Variants in SEZ6L observed in about 807,000 individuals in gnomAD.
SEZ6L encodes seizure 6-like protein.
Under a neutral mutation model 106.2 loss-of-function variants are expected in SEZ6L, and 37 were observed. That is an observed-to-expected ratio of 0.35 (90% CI 0.27 to 0.46). The LOEUF (loss-of-function observed/expected upper bound fraction) is 0.46. SEZ6L is among the 20% of genes least tolerant of loss of function. SEZ6L has a pLI of 1.00. For synonymous variants in SEZ6L, 541 were observed against 570.4 expected (o/e 0.95, Z 0.73); for missense variants, 1,172 against 1,332.8 (o/e 0.88, Z 1.88).
chr22:26,375,506 TG>T, intron 14 of SEZ6L, 68 bp from the exon 15 acceptor site: 1 of 1,274,084 alleles, frequency 7.8e-7, no homozygotes, highest in Non-Finnish European at 1.1e-6. Context: ...GGTGGAGAAC[TG>T]GGCAGTTGGG....
At chr22:26,353,713 C>G (rs200184324) in intron 12 of SEZ6L, among the ~76,000 whole-genome samples, 3 of 151,610 alleles carry the variant, frequency 2.0e-5, no homozygotes, top group Non-Finnish European at 4.4e-5. Flanking sequence ...GTAATTGTGA[C>G]CTTGATTAGA....
At position 26,170,322 on chromosome 22, in the gene SEZ6L, T is replaced by C. The variant is rs1938498833; in HGVS notation, c.94+559T>C. On this transcript the variant is annotated intron_variant, in intron 1 of 16. Coordinates refer to ENST00000248933, the MANE Select transcript of SEZ6L (RefSeq NM_021115.5). ...TCAGCCAAGCGTCAGGATACCGGACTTGGGTGTGGCTTTCGCTAGAGGCCG... is the reference window on the plus strand; with the variant it reads ...TCAGCCAAGCGTCAGGATACCGGACCTGGGTGTGGCTTTCGCTAGAGGCCG... 2.0e-5 allele frequency among the ~76,000 whole-genome samples: 3 copies of C among 151,942 alleles called. No homozygotes were observed. The South Asian group carries it at 6.3e-4, about 32-fold the overall frequency.
chr22:26,304,505 C>A (rs904877035), intron 5 of SEZ6L, among the ~76,000 whole-genome samples: 8 of 152,102 alleles, frequency 5.3e-5, no homozygotes, highest in Admixed American at 3.9e-4. Context: ...AACCAAATAT[C>A]TCCTAAGAAT....
At chr22:26,325,500 C>G (rs2082279175) in intron 9 of SEZ6L, among the ~76,000 whole-genome samples, 1 of 152,080 alleles carries the variant, frequency 6.6e-6, no homozygotes, top group Non-Finnish European at 1.5e-5. Context: ...AGATTTGCAC[C>G]TAGGGCTTGG....
intron 5 of SEZ6L, among the ~76,000 whole-genome samples, chr22:26,303,575 CTTA>C (rs2081519149): frequency 6.6e-6 from 1 of 152,188 alleles, no homozygotes; most frequent in South Asian, 2.1e-4. Context: ...AACTGCTCCA[CTTA>C]TTATGTGTAT....
At chr22:26,302,856 G>T (rs1037374930) in intron 5 of SEZ6L, among the ~76,000 whole-genome samples, 1 of 152,200 alleles carries the variant, frequency 6.6e-6, no homozygotes, top group Non-Finnish European at 1.5e-5. Flanking sequence ...CAGAGAAGCC[G>T]CAAACGATCA....
chr22:26,263,481 T>A (rs1195292296), intron 1 of SEZ6L, among the ~76,000 whole-genome samples: 1 of 152,232 alleles, frequency 6.6e-6, no homozygotes, highest in Non-Finnish European at 1.5e-5. Flanking sequence ...TGGAAGATGC[T>A]GGATTTGAAT....
intron 3 of SEZ6L, 83 bp downstream of exon 3, chr22:26,294,508 A>G: frequency 4.9e-6 from 7 of 1,435,498 alleles, no homozygotes; most frequent in South Asian, 1.3e-5. Flanking sequence ...GCTTACTGTT[A>G]TGCTAACTAG....
chr22:26,195,690 A>G (rs1164263182), intron 1 of SEZ6L, among the ~76,000 whole-genome samples: 1 of 152,100 alleles, frequency 6.6e-6, no homozygotes, highest in Non-Finnish European at 1.5e-5. Flanking sequence ...CACAGAAGAA[A>G]GACAATAAGT....
chr22:26,210,679 G>GT (rs60359652), intron 1 of SEZ6L, among the ~76,000 whole-genome samples: 11,008 of 152,012 alleles, frequency 0.072, 537 homozygotes, highest in East Asian at 0.22. Context: ...TCTCAGAATG[G>GT]TTTTTTTATT....
Position 26,381,955 on chromosome 22 carries a change from G to C in SEZ6L, c.*1660G>C, listed in dbSNP as rs2084421871. On this transcript the variant is annotated 3_prime_UTR_variant, in exon 17 of 17. Coordinates refer to ENST00000248933, the MANE Select transcript of SEZ6L (RefSeq NM_021115.5). ...AGAATAGCAGGGAGTCTATGTTTTG[G>C]TGGTTACATTGGAAACATCTTAAGC... The C allele has an allele frequency of 5.9e-6, 3 of 509,802 alleles. No individual in the cohort carries two copies. The highest frequency in any genetic ancestry group is 1.2e-5 in the Non-Finnish European group (3 of 255,372). 31.6% of individuals were successfully genotyped at this position (509,802 alleles called of 1,614,324 possible). A position where few individuals can be genotyped will look rare whatever the true frequency, so the allele number is the denominator to read the frequency against.
At chr22:26,180,230 A>G (rs1939299625) in intron 1 of SEZ6L, among the ~76,000 whole-genome samples, 1 of 152,204 alleles carries the variant, frequency 6.6e-6, no homozygotes, top group South Asian at 2.1e-4. Flanking sequence ...CTGCTTCTCA[A>G]TTCTTCTCAT....
Position 26,313,834 on chromosome 22 carries a change from G to A in SEZ6L, c.1947G>A (p.Val649=). 6.2e-7 allele frequency: 1 copy of A among 1,613,388 alleles called. No homozygotes were observed. The highest frequency in any genetic ancestry group is 8.5e-7 in the Non-Finnish European group (1 of 1,179,376). ...CCCCAAACTGGCCCGAGCCCTACGTGGAAGGTGAAGATTGTATCTGGAAGA... is the reference window on the plus strand; with the variant it reads ...CCCCAAACTGGCCCGAGCCCTACGTAGAAGGTGAAGATTGTATCTGGAAGA... The part of the protein sequence containing the change: ...VLSPNWPEPY[V]EGEDCIWKIH... Residue 649 remains valine, a synonymous_variant, in exon 9 of 17, where the codon GTG becomes GTA. Coordinates refer to ENST00000248933, the MANE Select transcript of SEZ6L (RefSeq NM_021115.5).
In SEZ6L at chr22:26,331,802, G is replaced by T. The variant is rs370121175; in HGVS notation, c.2016-8634G>T. ...GTTTGAGAACAGCCCAGCCAACATG[G>T]TGAAATGCTGTCTCCACTAAAAACA... On this transcript the variant is annotated intron_variant, in intron 9 of 16. Transcript: ENST00000248933. Among the ~76,000 whole-genome samples the T allele has an allele frequency of 3.3e-3, 501 of 152,184 alleles. 7 individuals carry two copies. Among genetic ancestry groups the T allele is most frequent in the African/African-American group, 0.011 (463 of 41,508 alleles).
intron 9 of SEZ6L, among the ~76,000 whole-genome samples, chr22:26,317,354 G>A (rs1215429713): frequency 6.6e-6 from 1 of 151,726 alleles, no homozygotes; most frequent in Admixed American, 6.6e-5. Context: ...TGAGTTCTTG[G>A]CTTCTCTGGC....
chr22:26,213,276 C>T (rs2078211076), intron 1 of SEZ6L, among the ~76,000 whole-genome samples: 1 of 152,190 alleles, frequency 6.6e-6, no homozygotes, highest in Non-Finnish European at 1.5e-5. Context: ...GCATTAGAGA[C>T]CTAATACAAG....
In SEZ6L at chr22:26,375,709, G is replaced by C. The variant is rs2084200665; in HGVS notation, c.2942+20G>C. The C allele has an allele frequency of 1.3e-6, 2 of 1,585,238 alleles. No individual in the cohort carries two copies. Among genetic ancestry groups the C allele is most frequent in the Non-Finnish European group, 1.7e-6 (2 of 1,157,388 alleles). The stretch of plus-strand genomic sequence containing the variant: ...CACAAGGTAGGGAGCTGATGGGGGA[G>C]ATGACTGCCAAGCACCCAGCCACCA... On this transcript the variant is annotated intron_variant, in intron 15 of 16. Coordinates refer to ENST00000248933, the MANE Select transcript of SEZ6L (RefSeq NM_021115.5).
intron 1 of SEZ6L, among the ~76,000 whole-genome samples, chr22:26,279,905 C>G (rs1268271233): frequency 6.6e-6 from 1 of 152,178 alleles, no homozygotes; most frequent in African/African-American, 2.4e-5. Flanking sequence ...GGTTTGTTCT[C>G]TGCCCTCCTC....
chr22:26,303,402 A>G (rs2081513799), intron 5 of SEZ6L, among the ~76,000 whole-genome samples: 2 of 152,260 alleles, frequency 1.3e-5, no homozygotes, highest in Admixed American at 6.5e-5. Context: ...TAGAGATACA[A>G]AAAGGAAAAA....
Sources: gnomAD v4.1 joint callset for allele counts (sites outside exome capture counted in the v4.1 genomes callset) on GRCh38, gnomAD v4.1.1 for gene constraint, MANE v1.5 for transcripts, NCBI Gene and HGNC (gene_info 2026-07-23, HGNC 2026-07-21) for gene names.